The following SUPT3H variants were observed in gnomAD, a reference collection of about 807,000 sequenced individuals.
SUPT3H encodes the protein SPT3 homolog, SAGA and STAGA complex component, also known as transcription initiation protein SPT3 homolog.
In SUPT3H, 44 loss-of-function variants were observed where a neutral mutation model predicts 44.3. The observed-to-expected ratio is 0.99, with a 90% CI of 0.78 to 1.28. The LOEUF is 1.28. Among genes scored for constraint, SUPT3H ranks in the 50% most tolerant of loss-of-function variants. SUPT3H has a pLI of 0.00. For synonymous variants in SUPT3H, 124 were observed against 125.6 expected, an observed-to-expected ratio of 0.99 and a Z score of 0.09; for missense variants, 380 against 387.1, an observed-to-expected ratio of 0.98 and a Z score of 0.15.
intron 3 of SUPT3H, among the ~76,000 whole-genome samples, chr6:45,040,768 G>A (rs1037188117): frequency 2.6e-5 from 4 of 152,018 alleles, no homozygotes; most frequent in Non-Finnish European, 4.4e-5. Flanking sequence ...AATATATTGA[G>A]GTTGATACGG....
intron 2 of SUPT3H, among the ~76,000 whole-genome samples, chr6:45,216,336 T>C (rs1456493215): frequency 6.6e-6 from 1 of 151,752 alleles, no homozygotes; most frequent in Non-Finnish European, 1.5e-5. Context: ...TCAAAGCTTA[T>C]CACTGCAAAA....
intron 10 of SUPT3H, among the ~76,000 whole-genome samples, chr6:44,846,509 A>G (rs1288801384): frequency 6.6e-6 from 1 of 152,194 alleles, no homozygotes; most frequent in Non-Finnish European, 1.5e-5. Context: ...TTAGAAGGGA[A>G]GGAGTGGGAA....
rs571884386 is a variant in SUPT3H, at chr6:45,258,051, A to T, written c.101+107150T>A. Among the ~76,000 whole-genome samples the T allele has an allele frequency of 2.0e-5, 3 of 152,312 alleles. No individual in the cohort carries two copies. The South Asian group carries it at 6.2e-4, about 32-fold the overall frequency. ...AGAAAACGTAGCATTCCTAGGCATG[A>T]TGTTAACATCGTTCTTGAATAATTG... On this transcript the variant is annotated intron_variant, in intron 2 of 10. Transcript: ENST00000371459.
intron 10 of SUPT3H, among the ~76,000 whole-genome samples, chr6:44,917,546 T>C (rs1368650726): frequency 2.0e-5 from 3 of 152,186 alleles, no homozygotes; most frequent in Non-Finnish European, 4.4e-5. Context: ...GTCAGTGCCA[T>C]GACTGTCTAA....
At chr6:45,288,635 A>G (rs1324724566) in intron 2 of SUPT3H, among the ~76,000 whole-genome samples, 3 of 123,730 alleles carry the variant, frequency 2.4e-5, no homozygotes, top group Non-Finnish European at 3.3e-5. Context: ...ATATATATAT[A>G]GCAAAGCATT....
intron 9 of SUPT3H, among the ~76,000 whole-genome samples, chr6:44,949,409 T>A (rs1054430858): frequency 3.3e-5 from 5 of 149,862 alleles, no homozygotes; most frequent in African/African-American, 1.2e-4. Context: ...ATTAAAAAAA[T>A]AAATAAATGC....
intron 10 of SUPT3H, among the ~76,000 whole-genome samples, chr6:44,895,143 C>T (rs892384606): frequency 9.2e-5 from 14 of 151,792 alleles, no homozygotes; most frequent in African/African-American, 3.4e-4. Context: ...ATAAGAAAGT[C>T]CATTTCATAA....
chr6:44,887,860 A>G (rs1422964787), intron 10 of SUPT3H, among the ~76,000 whole-genome samples: 1 of 152,022 alleles, frequency 6.6e-6, no homozygotes, highest in Non-Finnish European at 1.5e-5. Flanking sequence ...AACAAAATTG[A>G]TAGACTGCTA....
At chr6:45,126,206 C>T (rs1802408173) in intron 2 of SUPT3H, among the ~76,000 whole-genome samples, 1 of 152,188 alleles carries the variant, frequency 6.6e-6, no homozygotes, top group South Asian at 2.1e-4. Flanking sequence ...CAGGGTGGCC[C>T]ATTTAAAACA....
intron 2 of SUPT3H, among the ~76,000 whole-genome samples, chr6:45,175,363 G>T (rs767167042): frequency 9.2e-5 from 14 of 152,158 alleles, no homozygotes; most frequent in African/African-American, 3.4e-4. Context: ...GGTGAAAGGC[G>T]ATGGGGAAGC....
At chr6:44,833,876 T>C (rs566982741) in intron 10 of SUPT3H, among the ~76,000 whole-genome samples, 1 of 152,270 alleles carries the variant, frequency 6.6e-6, no homozygotes, top group Non-Finnish European at 1.5e-5. Context: ...AAGGGTAAAT[T>C]ACAATTTTAT....
At chr6:45,298,876 A>G (rs1463869460) in intron 2 of SUPT3H, among the ~76,000 whole-genome samples, 1 of 152,166 alleles carries the variant, frequency 6.6e-6, no homozygotes, top group Non-Finnish European at 1.5e-5. Context: ...TCTCACAATG[A>G]TCCCTGTGTC....
At chr6:44,946,688 T>C (rs1398737442) in intron 9 of SUPT3H, among the ~76,000 whole-genome samples, 2 of 152,174 alleles carry the variant, frequency 1.3e-5, no homozygotes, top group African/African-American at 4.8e-5. Context: ...GTCAAGAAAG[T>C]GGTTTCTTGA....
chr6:44,843,571 AT>A (rs925105440), intron 10 of SUPT3H, among the ~76,000 whole-genome samples: 2 of 152,304 alleles, frequency 1.3e-5, no homozygotes, highest in Non-Finnish European at 2.9e-5. Flanking sequence ...CCAGAAAAAA[AT>A]AAACTTTATT....
At chr6:45,132,761 A>G (rs1803667279) in intron 2 of SUPT3H, among the ~76,000 whole-genome samples, 1 of 152,232 alleles carries the variant, frequency 6.6e-6, no homozygotes, top group African/African-American at 2.4e-5. Flanking sequence ...TTGCAAAATG[A>G]TTCAACACTT....
At chr6:45,187,194 C>G (rs1369987562) in intron 2 of SUPT3H, among the ~76,000 whole-genome samples, 1 of 150,246 alleles carries the variant, frequency 6.7e-6, no homozygotes, top group Non-Finnish European at 1.5e-5. Context: ...GCAGGTGGAT[C>G]ACCAGAGGTC....
At chr6:45,242,126 C>T (rs1029294163) in intron 2 of SUPT3H, among the ~76,000 whole-genome samples, 7 of 152,168 alleles carry the variant, frequency 4.6e-5, no homozygotes, top group African/African-American at 1.7e-4. Flanking sequence ...AGATAAAATA[C>T]ATGAAATAAC....
intron 2 of SUPT3H, among the ~76,000 whole-genome samples, chr6:45,182,035 T>C (rs897526411): frequency 1.3e-5 from 2 of 152,116 alleles, no homozygotes; most frequent in Non-Finnish European, 2.9e-5. Context: ...CTGAACATAA[T>C]CATAATACGT....
chr6:44,927,208 G>A (rs1019330923), intron 10 of SUPT3H, among the ~76,000 whole-genome samples: 4 of 151,972 alleles, frequency 2.6e-5, no homozygotes, highest in Admixed American at 1.3e-4. Context: ...AAAATGATAA[G>A]TAACAATATT....
Sources: allele counts gnomAD v4.1 joint callset (sites outside exome capture counted in the v4.1 genomes callset), GRCh38; gene constraint gnomAD v4.1.1; transcripts MANE v1.5; gene names NCBI Gene and HGNC (gene_info 2026-07-23, HGNC 2026-07-21).